GOLM2: variants seen among roughly 807,000 people sequenced by gnomAD.
GOLM2 encodes protein GOLM2.
A neutral mutation model predicts 55.9 loss-of-function variants in GOLM2; 26 were observed. The ratio of observed to expected loss-of-function variants is 0.47; its 90% CI spans 0.34 to 0.65. GOLM2 has a LOEUF of 0.65. Ranked by LOEUF, GOLM2 falls within the 30% of genes least tolerant of loss-of-function variation. The pLI, the probability that GOLM2 is intolerant of heterozygous loss-of-function variation, is 0.01. For missense variants in GOLM2, 486 were observed against 531.8 expected (o/e 0.91, Z 0.85); for synonymous variants, 165 against 194.6 (o/e 0.85, Z 1.27).
chr15:44,401,266 ATT>A (rs879743198), intron 8 of GOLM2, among the ~76,000 whole-genome samples: 3 of 145,072 alleles, frequency 2.1e-5, no homozygotes, highest in Non-Finnish European at 1.5e-5. Context: ...CCCCTGGCTA[ATT>A]TTTTTTTTTT....
At chr15:44,390,917 G>A (rs2079483709) in intron 8 of GOLM2, among the ~76,000 whole-genome samples, 1 of 152,016 alleles carries the variant, frequency 6.6e-6, no homozygotes, top group Non-Finnish European at 1.5e-5. Context: ...AGCCCTAATG[G>A]CCTAATCACC....
At chr15:44,335,945 G>A (rs1398267047) in intron 4 of GOLM2, among the ~76,000 whole-genome samples, 2 of 148,216 alleles carry the variant, frequency 1.3e-5, no homozygotes, top group African/African-American at 5.0e-5. Flanking sequence ...CTTCTGAGTA[G>A]CTGGGATTAC....
chr15:44,302,025 C>G (rs977035673), intron 1 of GOLM2, among the ~76,000 whole-genome samples: 7 of 151,554 alleles, frequency 4.6e-5, no homozygotes, highest in Non-Finnish European at 1.0e-4. Flanking sequence ...AATGAGGGAG[C>G]TAGAATGAGT....
chr15:44,316,494 G>A (rs1055798824), intron 1 of GOLM2, among the ~76,000 whole-genome samples: 1 of 152,166 alleles, frequency 6.6e-6, no homozygotes, highest in African/African-American at 2.4e-5. Flanking sequence ...GGTGGCTCAC[G>A]CCTGTAATCC....
At position 44,403,042 on chromosome 15, in the gene GOLM2, G is replaced by A; in HGVS notation, c.1228G>A (p.Glu410Lys). ...NEEEDGDGGEEDVQDDEEREL... is the reference protein window; with the variant it reads ...NEEEDGDGGEKDVQDDEEREL... Reference sequence around the variant, plus strand: ...GGAAGAAGATGGTGATGGTGGAGAGGAAGACGTCCAAGGTGAGCGTGGGCC... The same window carrying A: ...GGAAGAAGATGGTGATGGTGGAGAGAAAGACGTCCAAGGTGAGCGTGGGCC... The change falls in exon 9 of 10, where the codon GAA (glutamate) becomes AAA (lysine). Residue 410 changes from glutamate to lysine, a missense_variant. Physicochemically the swap from Glu to Lys is moderately conservative, Grantham distance 56 (BLOSUM62 1). Coordinates refer to ENST00000299957, the MANE Select transcript of GOLM2 (RefSeq NM_138423.4). 1 of 1,614,072 alleles carries A rather than the reference G, an allele frequency of 6.2e-7. No individual in the cohort carries two copies. The highest frequency in any genetic ancestry group is 8.5e-7 in the Non-Finnish European group (1 of 1,180,000).
rs192984850 is a variant in GOLM2, at chr15:44,385,120, G to A, written c.1072+4144G>A. On this transcript the variant is annotated intron_variant, in intron 8 of 9. Transcript: ENST00000299957. ...GGGTTGTTTCTATATTTTGGCTATC[G>A]AATAGTGCTTCTATGAACATTTATG... is the stretch of plus-strand genomic sequence containing the variant. 7.1e-4 allele frequency among the ~76,000 whole-genome samples: 108 copies of A among 152,060 alleles called. 2 individuals are homozygous for A. Among genetic ancestry groups the A allele is most frequent in the Middle Eastern group, 3.4e-3 (1 of 294 alleles).
At chr15:44,378,024 T>TA (rs2079375826) in intron 6 of GOLM2, among the ~76,000 whole-genome samples, 1 of 149,052 alleles carries the variant, frequency 6.7e-6, no homozygotes, top group South Asian at 2.1e-4. Context: ...TATATATATA[T>TA]TTTTTAAATT....
intron 6 of GOLM2, among the ~76,000 whole-genome samples, chr15:44,359,090 C>T (rs370211972): frequency 1.3e-5 from 2 of 151,640 alleles, no homozygotes; most frequent in South Asian, 4.2e-4. Flanking sequence ...GCGGAGGTTG[C>T]AGTGAGCTGA....
At chr15:44,360,315 A>T (rs934885660) in intron 6 of GOLM2, among the ~76,000 whole-genome samples, 1 of 152,202 alleles carries the variant, frequency 6.6e-6, no homozygotes, top group Non-Finnish European at 1.5e-5. Context: ...CCCATCTCAC[A>T]TGCAGAGACA....
intron 2 of GOLM2, among the ~76,000 whole-genome samples, chr15:44,326,871 C>T (rs2078985408): frequency 6.6e-6 from 1 of 150,668 alleles, no homozygotes; most frequent in Admixed American, 6.6e-5. Context: ...AGGCTGGTCT[C>T]GAACTCCTGG....
Position 44,396,669 on chromosome 15 carries a change from G to C in GOLM2, c.1073-6218G>C, listed in dbSNP as rs530533129. Among the ~76,000 whole-genome samples, 63 of 152,118 alleles carry C rather than the reference G, an allele frequency of 4.1e-4. 1 individual carries two copies. The highest frequency in any genetic ancestry group is 4.9e-4 in the Non-Finnish European group (33 of 68,016). On this transcript the variant is annotated intron_variant, in intron 8 of 9. Coordinates refer to ENST00000299957, the MANE Select transcript of GOLM2 (RefSeq NM_138423.4). ...TGTTGTTTAGCGTGAATTGAAAAGC[G>C]CGTTAAATGCCTAATTAGGTGATGT...
At chr15:44,349,832 C>G (rs1484632924) in intron 6 of GOLM2, among the ~76,000 whole-genome samples, 1 of 152,140 alleles carries the variant, frequency 6.6e-6, no homozygotes, top group African/African-American at 2.4e-5. Flanking sequence ...AAATCAATAA[C>G]AAGAGGCATT....
chr15:44,341,387 A>G (rs1488309721), intron 6 of GOLM2, among the ~76,000 whole-genome samples: 4 of 151,514 alleles, frequency 2.6e-5, no homozygotes, highest in Admixed American at 2.6e-4. Context: ...GCATATTTCC[A>G]CATACTTTTC....
At chr15:44,320,503 C>T (rs550221426) in intron 1 of GOLM2, among the ~76,000 whole-genome samples, 27 of 152,188 alleles carry the variant, frequency 1.8e-4, no homozygotes, top group African/African-American at 6.3e-4. Flanking sequence ...GTAGGTCTCA[C>T]TGTGTTGGCC....
At chr15:44,404,194 T>C (rs1410728565) in intron 9 of GOLM2, among the ~76,000 whole-genome samples, 2 of 152,208 alleles carry the variant, frequency 1.3e-5, no homozygotes, top group Non-Finnish European at 2.9e-5. Context: ...AAATTTTTCA[T>C]CATAACATGC....
chr15:44,394,141 G>T (rs1277553634), intron 8 of GOLM2, among the ~76,000 whole-genome samples: 1 of 152,124 alleles, frequency 6.6e-6, no homozygotes, highest in Non-Finnish European at 1.5e-5. Context: ...CATCAGACTG[G>T]TACATAATGG....
chr15:44,300,545 G>GA (rs1166960037), intron 1 of GOLM2, among the ~76,000 whole-genome samples: 2 of 152,100 alleles, frequency 1.3e-5, no homozygotes, highest in East Asian at 1.9e-4. Context: ...TAGTTGTGCA[G>GA]AAAAAAGGTA....
At chr15:44,377,645 A>C (rs1292547561) in intron 6 of GOLM2, among the ~76,000 whole-genome samples, 1 of 152,166 alleles carries the variant, frequency 6.6e-6, no homozygotes, top group East Asian at 1.9e-4. Flanking sequence ...AAGTGCTGGA[A>C]TTACAGGCGT....
At chr15:44,378,573 G>T (rs1213246438) in intron 6 of GOLM2, among the ~76,000 whole-genome samples, 7 of 149,432 alleles carry the variant, frequency 4.7e-5, no homozygotes, top group Admixed American at 2.0e-4. Context: ...TGGCCAAGCT[G>T]GGCGACAGAG....
Sources: allele counts gnomAD v4.1 joint callset (sites outside exome capture counted in the v4.1 genomes callset), GRCh38; gene constraint gnomAD v4.1.1; transcripts MANE v1.5; gene names NCBI Gene and HGNC (gene_info 2026-07-23, HGNC 2026-07-21).